The following OPCML variants were observed in gnomAD, a reference collection of about 807,000 sequenced individuals.
The protein encoded by OPCML is opioid-binding protein/cell adhesion molecule.
Under a neutral mutation model 37.8 loss-of-function variants are expected in OPCML, and 13 were observed. That is an observed-to-expected ratio of 0.34 (90% CI 0.22 to 0.55). The LOEUF (loss-of-function observed/expected upper bound fraction) is 0.55, where lower values mean the gene tolerates loss of function less well. OPCML is among the 20% of genes least tolerant of loss of function. The pLI, the probability that OPCML is intolerant of heterozygous loss-of-function variation, is 0.91. For synonymous variants in OPCML, 176 were observed against 168.8 expected, an observed-to-expected ratio of 1.04 and a Z score of -0.33; for missense variants, 341 against 435.6, an observed-to-expected ratio of 0.78 and a Z score of 1.93.
chr11:133,387,525 T>C (rs1386078352), intron 1 of OPCML, among the ~76,000 whole-genome samples: 2 of 152,234 alleles, frequency 1.3e-5, no homozygotes, highest in African/African-American at 4.8e-5. Context: ...AGTTCTTCTA[T>C]GAGAAGTTAC....
At chr11:132,423,819 G>T (rs1461691379) in intron 7 of OPCML, among the ~76,000 whole-genome samples, 5 of 152,182 alleles carry the variant, frequency 3.3e-5, no homozygotes, top group African/African-American at 1.2e-4. Flanking sequence ...GCTCAACAAA[G>T]CTACAGAGCC....
At chr11:133,254,502 G>T (rs1271173793) in intron 1 of OPCML, among the ~76,000 whole-genome samples, 2 of 152,186 alleles carry the variant, frequency 1.3e-5, no homozygotes, top group Admixed American at 1.3e-4. Flanking sequence ...CAAAAGATAT[G>T]CTCTGGAAAG....
rs781325888 is a variant in OPCML at position 132,420,278 on chromosome 11, A to G, written c.932T>C (p.Ile311Thr). The change falls in exon 8 of 8, where the codon ATT (isoleucine) becomes ACT (threonine). Residue 311 changes from isoleucine (I) to threonine (T), a missense_variant. Ile to Thr is a moderately conservative substitution (Grantham distance 89). Coordinates refer to ENST00000524381, the MANE Select transcript of OPCML (RefSeq NM_001012393.5). ...SITLYGPGAV[I>T]DGVNSASRAL... ...TCTGGAGGCCGAGTTTACACCATCAATGACTGCTCCAGGCCCTGTGTAGGG... is the reference window on the plus strand; with the variant it reads ...TCTGGAGGCCGAGTTTACACCATCAGTGACTGCTCCAGGCCCTGTGTAGGG... The G allele has an allele frequency of 5.0e-6, 8 of 1,613,840 alleles. No homozygotes were observed. In the South Asian group the frequency reaches 7.7e-5, roughly 16 times the overall value.
At chr11:133,022,702 G>T (rs1229330168) in intron 1 of OPCML, among the ~76,000 whole-genome samples, 1 of 152,048 alleles carries the variant, frequency 6.6e-6, no homozygotes, top group East Asian at 1.9e-4. Context: ...ATGGGGTTTT[G>T]GTGACGCACC....
At chr11:132,808,900 A>C (rs944661332) in intron 2 of OPCML, among the ~76,000 whole-genome samples, 4 of 152,100 alleles carry the variant, frequency 2.6e-5, no homozygotes, top group Non-Finnish European at 1.5e-5. Context: ...GAAAGCTTTT[A>C]GTTTCAGATA....
chr11:133,094,788 A>T (rs1301537038), intron 1 of OPCML, among the ~76,000 whole-genome samples: 2 of 152,162 alleles, frequency 1.3e-5, no homozygotes, highest in African/African-American at 4.8e-5. Flanking sequence ...AGATGCTAGA[A>T]ATGAGTTTGC....
At chr11:132,592,663 C>T (rs184660151) in intron 3 of OPCML, among the ~76,000 whole-genome samples, 78 of 152,290 alleles carry the variant, frequency 5.1e-4, no homozygotes, top group Admixed American at 9.8e-4. Context: ...CTGAGCACAA[C>T]CAGGATTCGT....
rs371805278 is a variant in OPCML, at chr11:132,791,840, G to A, written c.147-134521C>T. 7.2e-5 allele frequency among the ~76,000 whole-genome samples: 11 copies of A among 152,240 alleles called. No individual in the cohort carries two copies. The East Asian group carries it at 1.4e-3, about 19-fold the overall frequency. ...TGACATCACCTAGCTCCCAGGTTGCGGTTTTGACTGACAGGCCCTCTCTCC... is the reference window on the plus strand; with the variant it reads ...TGACATCACCTAGCTCCCAGGTTGCAGTTTTGACTGACAGGCCCTCTCTCC... On this transcript the variant is annotated intron_variant, in intron 2 of 7. Transcript: ENST00000524381.
intron 1 of OPCML, among the ~76,000 whole-genome samples, chr11:133,517,547 C>T (rs903194909): frequency 8.5e-5 from 13 of 152,190 alleles, no homozygotes; most frequent in Admixed American, 1.3e-4. Flanking sequence ...ACCGCTAGGG[C>T]GGTGGGGGTT....
At chr11:132,579,188 T>C (rs1267978099) in intron 3 of OPCML, among the ~76,000 whole-genome samples, 1 of 152,040 alleles carries the variant, frequency 6.6e-6, no homozygotes, top group Non-Finnish European at 1.5e-5. Context: ...AGTCTCCAGG[T>C]TGTCTATCTA....
intron 4 of OPCML, among the ~76,000 whole-genome samples, chr11:132,465,297 C>G (rs1034339425): frequency 6.6e-6 from 1 of 152,144 alleles, no homozygotes. Context: ...CTACACTGAG[C>G]TTCCTAACTT....
At chr11:133,413,185 T>G (rs1463992303) in intron 1 of OPCML, among the ~76,000 whole-genome samples, 1 of 152,052 alleles carries the variant, frequency 6.6e-6, no homozygotes, top group Non-Finnish European at 1.5e-5. Flanking sequence ...TCAGATGTTG[T>G]AGGGGCTCTG....
chr11:133,314,433 G>A (rs914863311), intron 1 of OPCML, among the ~76,000 whole-genome samples: 3 of 151,444 alleles, frequency 2.0e-5, no homozygotes, highest in Non-Finnish European at 2.9e-5. Flanking sequence ...GTGCTTATAC[G>A]AAAATCTTGA....
At chr11:132,643,871 A>T (rs1036490674) in intron 3 of OPCML, among the ~76,000 whole-genome samples, 1 of 152,180 alleles carries the variant, frequency 6.6e-6, no homozygotes, top group Admixed American at 6.5e-5. Context: ...CACATATGAA[A>T]TCTACATCCT....
chr11:132,549,448 G>A (rs59305616), intron 3 of OPCML, among the ~76,000 whole-genome samples: 10,846 of 152,268 alleles, frequency 0.071, 765 homozygotes, highest in African/African-American at 0.17. Flanking sequence ...CCATGCTGCT[G>A]CTCTGCCAAT....
chr11:132,506,958 G>T (rs796738041), intron 4 of OPCML, among the ~76,000 whole-genome samples: 4 of 151,958 alleles, frequency 2.6e-5, no homozygotes, highest in African/African-American at 9.6e-5. Flanking sequence ...ATATATTTCT[G>T]CTCTGTTTAC....
intron 4 of OPCML, among the ~76,000 whole-genome samples, chr11:132,453,287 A>G (rs1410470371): frequency 6.6e-6 from 1 of 152,336 alleles, no homozygotes; most frequent in East Asian, 1.9e-4. Flanking sequence ...TGCACAGGAC[A>G]GTCTCCCTTG....
intron 7 of OPCML, among the ~76,000 whole-genome samples, chr11:132,424,506 G>A (rs1218114783): frequency 6.6e-6 from 1 of 152,136 alleles, no homozygotes; most frequent in Non-Finnish European, 1.5e-5. Flanking sequence ...TGGAAGAAAG[G>A]CGAAGGAGCA....
intron 1 of OPCML, among the ~76,000 whole-genome samples, chr11:133,204,703 G>A (rs1190565840): frequency 2.0e-5 from 3 of 152,008 alleles, no homozygotes; most frequent in Admixed American, 6.6e-5. Context: ...TAAAGGGCTG[G>A]TGAGTAACAG....
Sources: gnomAD v4.1 joint callset for allele counts (sites outside exome capture counted in the v4.1 genomes callset) on GRCh38, gnomAD v4.1.1 for gene constraint, MANE v1.5 for transcripts, NCBI Gene and HGNC (gene_info 2026-07-23, HGNC 2026-07-21) for gene names.